ARAP2: variants seen among roughly 807,000 people sequenced by gnomAD.
The protein encoded by ARAP2 is ArfGAP with RhoGAP domain, ankyrin repeat and PH domain 2, also known as arf-GAP with Rho-GAP domain, ANK repeat and PH domain-containing protein 2.
In ARAP2, 148 loss-of-function variants were observed where a neutral mutation model predicts 194.5. The observed-to-expected ratio is 0.76, with a 90% CI of 0.67 to 0.87. The LOEUF (loss-of-function observed/expected upper bound fraction) is 0.87, where lower values mean the gene tolerates loss of function less well. Among genes scored for constraint, ARAP2 ranks in the 40% least tolerant of loss-of-function variants. The pLI is 0.00. For synonymous variants in ARAP2, 695 were observed against 683.5 expected (o/e 1.02, Z -0.26); for missense variants, 2,128 against 1,989.7 (o/e 1.07, Z -1.32).
rs1578122447 is a variant in ARAP2 at position 36,160,761 on chromosome 4, A to AT, written c.2260-121dup. The AT allele has an allele frequency of 9.5e-6, 8 of 839,250 alleles. No homozygotes were observed. In the East Asian group the frequency reaches 2.7e-4, roughly 28 times the overall value. 52.0% of individuals were successfully genotyped at this position (839,250 alleles called of 1,614,324 possible). A position where few individuals can be genotyped will look rare whatever the true frequency, so the allele number is the denominator to read the frequency against. Reference sequence around the variant, plus strand: ...CTTAGTATAAAATACAGGAAAACACATGAAAGACTCAACTATTCCAGAAAA... The same window carrying AT: ...CTTAGTATAAAATACAGGAAAACACATTGAAAGACTCAACTATTCCAGAAAA... On this transcript the variant is annotated intron_variant, in intron 12 of 32. Transcript: ENST00000303965.
At chr4:36,077,543 A>G (rs1430514549) in intron 31 of ARAP2, among the ~76,000 whole-genome samples, 2 of 152,078 alleles carry the variant, frequency 1.3e-5, no homozygotes, top group South Asian at 2.1e-4. Context: ...TCACTTCGCA[A>G]TAATTCCAAA....
intron 5 of ARAP2, among the ~76,000 whole-genome samples, chr4:36,041,071 C>A (rs557302291): frequency 2.0e-5 from 3 of 152,034 alleles, no homozygotes; most frequent in African/African-American, 7.2e-5. Context: ...GGAAAGCCTG[C>A]ATTTATCTAT....
In ARAP2 at chr4:36,154,501, A is replaced by G. The variant is rs142622053; in HGVS notation, c.2753-3457T>C. Among the ~76,000 whole-genome samples the G allele has an allele frequency of 8.0e-4, 122 of 152,350 alleles. 1 individual carries two copies. The East Asian group carries it at 0.021, about 26-fold the overall frequency. ...ACAAATCAAGGTAAGATATCAAGGG[A>G]AAAAATATGGTTGAGGTGGGAAAAG... is the stretch of plus-strand genomic sequence containing the variant. On this transcript the variant is annotated intron_variant, in intron 15 of 32. Coordinates refer to ENST00000303965, the MANE Select transcript of ARAP2 (RefSeq NM_015230.4).
At chr4:36,118,290 TAAA>T (rs71653572) in intron 24 of ARAP2, among the ~76,000 whole-genome samples, 3 of 119,652 alleles carry the variant, frequency 2.5e-5, no homozygotes, top group Middle Eastern at 4.0e-3. Context: ...CTTAAAAAGT[TAAA>T]AAAAAAAAAA....
At chr4:36,057,602 AC>A (rs1723734830) in intron 2 of ARAP2, among the ~76,000 whole-genome samples, 2 of 151,954 alleles carry the variant, frequency 1.3e-5, no homozygotes, top group African/African-American at 4.8e-5. Context: ...TCTCCAATTC[AC>A]TAACCGTTGG....
chr4:36,209,762 T>A (rs1278600368), intron 6 of ARAP2, among the ~76,000 whole-genome samples: 1 of 152,144 alleles, frequency 6.6e-6, no homozygotes, highest in Non-Finnish European at 1.5e-5. Context: ...AGTAAACAAT[T>A]CTAATTAAAT....
At position 36,068,183 on chromosome 4, in the gene ARAP2, G is replaced by A. The variant is rs7657166; in HGVS notation, c.4839C>T (p.Ala1613=). The change falls in exon 33 of 33, where the codon GCC becomes GCT. Residue 1613 remains alanine, a synonymous_variant. Coordinates refer to ENST00000303965, the MANE Select transcript of ARAP2 (RefSeq NM_015230.4). ...SSLKERASMV[A]HCLEHKDDKL... The stretch of plus-strand genomic sequence containing the variant: ...TATCGTCCTTGTGCTCCAGGCAGTG[G>A]GCCACCATGGAAGCTCTCTCCTTTA... The A allele has an allele frequency of 0.29, 466,775 of 1,613,560 alleles. 72,821 individuals are homozygous for A. The highest frequency in any genetic ancestry group is 0.33 in the Non-Finnish European group (385,622 of 1,179,726).
At position 36,213,324 on chromosome 4, in the gene ARAP2, T is replaced by C. The variant is rs1747177414; in HGVS notation, c.965-5A>G. On this transcript the variant is annotated splice_region_variant and splice_polypyrimidine_tract_variant and intron_variant, in intron 3 of 32. Coordinates refer to ENST00000303965, the MANE Select transcript of ARAP2 (RefSeq NM_015230.4). ...ATGAATTCTCCTCATTTGAATCTTT[T>C]AGGGGAATTACAGGATGAGAACAGA... 3.2e-6 allele frequency: 5 copies of C among 1,585,752 alleles called. No individual in the cohort carries two copies. The highest frequency in any genetic ancestry group is 4.3e-6 in the Non-Finnish European group (5 of 1,155,474).
At chr4:36,235,908 G>A (rs1026702218) in intron 1 of ARAP2, among the ~76,000 whole-genome samples, 4 of 152,190 alleles carry the variant, frequency 2.6e-5, no homozygotes, top group Non-Finnish European at 4.4e-5. Context: ...CGGGTGAGGT[G>A]GCTCATGCCT....
chr4:36,059,566 T>G (rs1019980952), intron 1 of ARAP2, among the ~76,000 whole-genome samples: 1 of 152,180 alleles, frequency 6.6e-6, no homozygotes, highest in Non-Finnish European at 1.5e-5. Context: ...TAAACTACAG[T>G]CTGGAACTCA....
chr4:36,096,625 T>C (rs1329008278), intron 27 of ARAP2, among the ~76,000 whole-genome samples: 2 of 152,068 alleles, frequency 1.3e-5, no homozygotes, highest in Admixed American at 6.6e-5. Context: ...ACAAACCCAA[T>C]AGTTTTCATG....
At chr4:36,166,259 T>C (rs896323467) in intron 10 of ARAP2, among the ~76,000 whole-genome samples, 4 of 152,132 alleles carry the variant, frequency 2.6e-5, no homozygotes, top group Non-Finnish European at 5.9e-5. Context: ...GTTGATTATT[T>C]ATAACAAACG....
rs367696083 is a variant in ARAP2, at chr4:36,148,606, ATAAAC to A, written c.2898-104_2898-100del. Reference sequence around the variant, plus strand: ...TGTTTTTAATTAAATTCCTTTTAAAATAAACTAATGTTATGAAATCATCCTATTAG... The same window carrying A: ...TGTTTTTAATTAAATTCCTTTTAAAATAATGTTATGAAATCATCCTATTAG... On this transcript the variant is annotated intron_variant, in intron 16 of 32. Coordinates refer to ENST00000303965, the MANE Select transcript of ARAP2 (RefSeq NM_015230.4). 412 of 844,098 alleles carry A rather than the reference ATAAAC, an allele frequency of 4.9e-4. 1 individual carries two copies. The African/African-American group carries it at 6.6e-3, about 14-fold the overall frequency. 52.3% of individuals were successfully genotyped at this position (844,098 alleles called of 1,614,324 possible).
chr4:36,046,380 G>T (rs1721837078), intron 4 of ARAP2, among the ~76,000 whole-genome samples: 2 of 152,012 alleles, frequency 1.3e-5, no homozygotes, highest in Admixed American at 1.3e-4. Context: ...GTACAGATAA[G>T]GTCTCACTAT....
intron 2 of ARAP2, among the ~76,000 whole-genome samples, chr4:36,055,427 T>A (rs370763862): frequency 3.9e-5 from 6 of 152,366 alleles, no homozygotes; most frequent in African/African-American, 1.4e-4. Flanking sequence ...TGATTTAGCA[T>A]GTCAAATGTT....
chr4:36,103,645 C>A (rs1405716312), intron 27 of ARAP2, among the ~76,000 whole-genome samples: 1 of 151,586 alleles, frequency 6.6e-6, no homozygotes, highest in Non-Finnish European at 1.5e-5. Flanking sequence ...GGCAATGGCA[C>A]AAAATGTTCC....
chr4:36,046,107 C>T (rs1428102896), intron 4 of ARAP2: 1 of 152,076 alleles, frequency 6.6e-6, no homozygotes, highest in Non-Finnish European at 1.5e-5. Flanking sequence ...TTAACCAGGT[C>T]ATTGTAAACT....
chr4:36,099,471 T>A (rs748360228), intron 27 of ARAP2, among the ~76,000 whole-genome samples: 1 of 152,104 alleles, frequency 6.6e-6, no homozygotes, highest in East Asian at 1.9e-4. Context: ...CATTACAATA[T>A]CGTACGCCTG....
At chr4:36,025,176 A>G (rs1417360320) in intron 5 of ARAP2, among the ~76,000 whole-genome samples, 2 of 152,182 alleles carry the variant, frequency 1.3e-5, no homozygotes, top group East Asian at 1.9e-4. Context: ...GGGATTTTAC[A>G]TTTACATGAG....
Sources: allele counts gnomAD v4.1 joint callset (sites outside exome capture counted in the v4.1 genomes callset), GRCh38; gene constraint gnomAD v4.1.1; transcripts MANE v1.5; gene names NCBI Gene and HGNC (gene_info 2026-07-23, HGNC 2026-07-21).